Variants in RGS7 observed in about 807,000 individuals in gnomAD.
The protein encoded by RGS7 is regulator of G-protein signaling 7.
In RGS7, 27 loss-of-function variants were observed where a neutral mutation model predicts 81.1. That is an observed-to-expected ratio of 0.33 (90% CI 0.25 to 0.46). RGS7 has a LOEUF of 0.46. Ranked by LOEUF, RGS7 falls within the 20% of genes least tolerant of loss-of-function variation. RGS7 has a pLI of 1.00. For synonymous variants in RGS7, 208 were observed against 207.7 expected, an observed-to-expected ratio of 1.00 and a Z score of -0.01; for missense variants, 396 against 607.4, an observed-to-expected ratio of 0.65 and a Z score of 3.66.
chr1:241,317,291 T>C (rs900823211), intron 2 of RGS7, among the ~76,000 whole-genome samples: 2 of 152,240 alleles, frequency 1.3e-5, no homozygotes, highest in African/African-American at 4.8e-5. Flanking sequence ...ACTATAAGTT[T>C]ATATAATTGA....
At chr1:240,952,480 TAA>T (rs1679725600) in intron 4 of RGS7, among the ~76,000 whole-genome samples, 1 of 152,034 alleles carries the variant, frequency 6.6e-6, no homozygotes, top group East Asian at 1.9e-4. Flanking sequence ...GAACAGCTGC[TAA>T]AAACTTTAAC....
intron 3 of RGS7, among the ~76,000 whole-genome samples, chr1:241,063,401 T>G (rs1398844299): frequency 6.6e-6 from 1 of 152,218 alleles, no homozygotes; most frequent in Non-Finnish European, 1.5e-5. Flanking sequence ...GTCTTGTTTT[T>G]GGCTCAGATG....
chr1:241,347,996 A>G lies in RGS7; in HGVS notation c.78+7703T>C, dbSNP rs190356665. 4.3e-4 allele frequency among the ~76,000 whole-genome samples: 66 copies of G among 152,268 alleles called. 1 individual carries two copies. The highest frequency in any genetic ancestry group is 8.2e-4 in the Non-Finnish European group (56 of 68,020). The stretch of plus-strand genomic sequence containing the variant: ...TGTTTTATCTCTTGTCTTGGACTTG[A>G]TGCTATTTGTTCAAAGTCCTTTACT... On this transcript the variant is annotated intron_variant, in intron 2 of 18. Transcript: ENST00000440928.
At chr1:241,100,970 G>T (rs983063185) in intron 2 of RGS7, among the ~76,000 whole-genome samples, 1 of 152,200 alleles carries the variant, frequency 6.6e-6, no homozygotes, top group African/African-American at 2.4e-5. Flanking sequence ...AAACTGGCCT[G>T]CAGGGCCCAC....
At chr1:241,133,236 TA>T in intron 2 of RGS7, among the ~76,000 whole-genome samples, 1 of 152,164 alleles carries the variant, frequency 6.6e-6, no homozygotes, top group South Asian at 2.1e-4. Flanking sequence ...CATTTTTACA[TA>T]AAATTGAATA....
chr1:240,925,204 G>C (rs923095786), intron 6 of RGS7, among the ~76,000 whole-genome samples: 2 of 152,038 alleles, frequency 1.3e-5, no homozygotes, highest in Non-Finnish European at 2.9e-5. Context: ...GAGCTTTGGG[G>C]TATGACTGAT....
At chr1:241,175,859 A>C (rs1313856102) in intron 2 of RGS7, among the ~76,000 whole-genome samples, 6 of 152,276 alleles carry the variant, frequency 3.9e-5, no homozygotes, top group Non-Finnish European at 8.8e-5. Context: ...TGTATGGGAC[A>C]AGTGCAGAGG....
intron 6 of RGS7, among the ~76,000 whole-genome samples, chr1:240,927,051 GTTTT>G (rs949877799): frequency 6.6e-6 from 1 of 151,082 alleles, no homozygotes; most frequent in African/African-American, 2.4e-5. Flanking sequence ...AAATAAACTG[GTTTT>G]TTTTGTTTTG....
At chr1:240,850,357 G>A (rs1203672544) in intron 9 of RGS7, among the ~76,000 whole-genome samples, 1 of 152,128 alleles carries the variant, frequency 6.6e-6, no homozygotes, top group African/African-American at 2.4e-5. Context: ...TATCTGCCAT[G>A]GTGACCTGTG....
chr1:241,330,748 G>A (rs962309269), intron 2 of RGS7, among the ~76,000 whole-genome samples: 1 of 152,068 alleles, frequency 6.6e-6, no homozygotes, highest in African/African-American at 2.4e-5. Flanking sequence ...AAAATAAAAC[G>A]CTGTTTCTCA....
intron 6 of RGS7, among the ~76,000 whole-genome samples, chr1:240,908,608 A>G (rs1182389344): frequency 6.6e-6 from 1 of 152,160 alleles, no homozygotes; most frequent in Non-Finnish European, 1.5e-5. Context: ...CTGCCAGGTA[A>G]AAGCTCCACC....
chr1:241,336,065 T>A lies in RGS7; in HGVS notation c.78+19634A>T, dbSNP rs77790973. Among the ~76,000 whole-genome samples, 1,185 of 152,310 alleles carry A rather than the reference T, an allele frequency of 7.8e-3. 10 individuals carry two copies. The highest frequency in any genetic ancestry group is 0.01 in the Middle Eastern group (3 of 294). ...AACATTTTTTATGAAGAAGACTTTT[T>A]TTAAAGATAAGTACTAGTAGCAAGA... On this transcript the variant is annotated intron_variant, in intron 2 of 18. Transcript: ENST00000440928.
chr1:241,302,276 G>A (rs1046928471), intron 2 of RGS7, among the ~76,000 whole-genome samples: 3 of 152,198 alleles, frequency 2.0e-5, no homozygotes, highest in Non-Finnish European at 4.4e-5. Context: ...CCGGCCGGGC[G>A]CGGTGGCTTA....
At chr1:240,781,999 A>T (rs1479752937) in intron 18 of RGS7, among the ~76,000 whole-genome samples, 1 of 150,426 alleles carries the variant, frequency 6.6e-6, no homozygotes, top group Non-Finnish European at 1.5e-5. Flanking sequence ...TGGGCAATAG[A>T]GTGAGACTCC....
At chr1:241,027,591 T>C (rs116181197) in intron 3 of RGS7, among the ~76,000 whole-genome samples, 2 of 150,744 alleles carry the variant, frequency 1.3e-5, no homozygotes, top group Admixed American at 6.6e-5. Flanking sequence ...AAAAGGGAGA[T>C]GAGAATGAGC....
intron 2 of RGS7, among the ~76,000 whole-genome samples, chr1:241,166,328 A>T (rs1378260137): frequency 6.6e-6 from 1 of 152,152 alleles, no homozygotes; most frequent in East Asian, 1.9e-4. Flanking sequence ...TGATCAAAAG[A>T]CCCTCTGGCT....
intron 2 of RGS7, among the ~76,000 whole-genome samples, chr1:241,167,221 C>G (rs2070331398): frequency 6.6e-6 from 1 of 152,168 alleles, no homozygotes; most frequent in Non-Finnish European, 1.5e-5. Context: ...CTTTTGGGAG[C>G]AGGTGAGTGT....
intron 2 of RGS7, among the ~76,000 whole-genome samples, chr1:241,167,591 T>C (rs2070368098): frequency 6.6e-6 from 1 of 151,800 alleles, no homozygotes; most frequent in Non-Finnish European, 1.5e-5. Flanking sequence ...CAATCTCGGC[T>C]CACTGCAACC....
intron 2 of RGS7, among the ~76,000 whole-genome samples, chr1:241,123,151 T>C (rs931172129): frequency 4.6e-5 from 7 of 152,172 alleles, no homozygotes; most frequent in African/African-American, 1.7e-4. Context: ...CCCCAGAGCC[T>C]GCCCTGCTGC....
Sources: allele counts gnomAD v4.1 joint callset (sites outside exome capture counted in the v4.1 genomes callset), GRCh38; gene constraint gnomAD v4.1.1; transcripts MANE v1.5; gene names NCBI Gene and HGNC (gene_info 2026-07-23, HGNC 2026-07-21).